The following CLASP1 variants were observed in gnomAD, a reference collection of about 807,000 sequenced individuals.
CLASP1 encodes the protein CLIP-associating protein 1.
A neutral mutation model predicts 192.3 loss-of-function variants in CLASP1; 38 were observed. The ratio of observed to expected loss-of-function variants is 0.20; its 90% CI spans 0.15 to 0.26. The LOEUF (loss-of-function observed/expected upper bound fraction) is 0.26, where lower values mean the gene tolerates loss of function less well. Among genes scored for constraint, CLASP1 ranks in the 10% least tolerant of loss-of-function variants. CLASP1 has a pLI of 1.00. For missense variants in CLASP1, 1,433 were observed against 1,932.5 expected (o/e 0.74, Z 4.85); for synonymous variants, 691 against 712.8 (o/e 0.97, Z 0.49).
At chr2:121,365,120 G>C (rs975980138) in exon 36 of CLASP1, 1 of 1,613,976 alleles carries the variant, frequency 6.2e-7, no homozygotes, top group Non-Finnish European at 8.5e-7. Context: ...GTCTCCAGCA[G>C]CAGGAGCAGA....
chr2:121,558,393 C>A (rs2058769374), intron 2 of CLASP1, among the ~76,000 whole-genome samples: 1 of 152,202 alleles, frequency 6.6e-6, no homozygotes, highest in Non-Finnish European at 1.5e-5. Flanking sequence ...TGTGCCCCCC[C>A]AAATTTCACG....
chr2:121,621,744 T>G (rs541494230), intron 1 of CLASP1, among the ~76,000 whole-genome samples: 1 of 152,326 alleles, frequency 6.6e-6, no homozygotes, highest in East Asian at 1.9e-4. Flanking sequence ...TCCTCCAACT[T>G]TTTTTCAAGA....
chr2:121,579,777 C>T (rs536467656), intron 2 of CLASP1, among the ~76,000 whole-genome samples: 7 of 152,296 alleles, frequency 4.6e-5, no homozygotes, highest in African/African-American at 1.7e-4. Flanking sequence ...AAACTCTGAA[C>T]ATTTGGCATG....
rs575798541 is a variant in CLASP1 at position 121,399,453 on chromosome 2, C to T, written c.2901-1053G>A. Among the ~76,000 whole-genome samples, 318 of 152,272 alleles carry T rather than the reference C, an allele frequency of 2.1e-3. 1 individual carries two copies. The highest frequency in any genetic ancestry group is 6.2e-3 in the African/African-American group (258 of 41,556). On this transcript the variant is annotated intron_variant, in intron 28 of 39. Coordinates refer to ENST00000263710, the Ensembl canonical transcript of CLASP1. ...CATGGGGTGGATGGAGAATACATTT[C>T]AGTAATGGGTGTGTATAATCGGGAA... is the stretch of plus-strand genomic sequence containing the variant.
chr2:121,507,944 C>T (rs1328759417), intron 7 of CLASP1, among the ~76,000 whole-genome samples: 1 of 151,772 alleles, frequency 6.6e-6, no homozygotes, highest in Non-Finnish European at 1.5e-5. Context: ...AAACTATTCA[C>T]CAAAAACAAA....
intron 24 of CLASP1, chr2:121,407,955 T>C: frequency 4.9e-6 from 3 of 610,602 alleles, no homozygotes; most frequent in Non-Finnish European, 9.1e-6. Flanking sequence ...GTAAAGTGCG[T>C]AGACTTTACA....
intron 7 of CLASP1, 61 bp from the exon 8 acceptor site, chr2:121,503,295 A>G: frequency 1.0e-6 from 1 of 983,612 alleles, no homozygotes; most frequent in Non-Finnish European, 1.6e-6. Flanking sequence ...CAATTATATT[A>G]AAATGCTAAT....
chr2:121,397,645 T>C (rs137944525), intron 29 of CLASP1, among the ~76,000 whole-genome samples: 1 of 152,338 alleles, frequency 6.6e-6, no homozygotes, highest in East Asian at 1.9e-4. Flanking sequence ...TCTAGTTTTG[T>C]CACACGTTCT....
At chr2:121,614,140 T>G (rs970274590) in intron 1 of CLASP1, among the ~76,000 whole-genome samples, 14 of 152,096 alleles carry the variant, frequency 9.2e-5, no homozygotes, top group Admixed American at 3.3e-4. Context: ...GGATCCACAG[T>G]TTGCATGTTA....
At chr2:121,483,106 C>A (rs1390844097) in intron 8 of CLASP1, among the ~76,000 whole-genome samples, 1 of 152,166 alleles carries the variant, frequency 6.6e-6, no homozygotes, top group Non-Finnish European at 1.5e-5. Context: ...CTTCTAGATA[C>A]CAAAGCTCTC....
chr2:121,549,352 T>C (rs143506803), intron 2 of CLASP1, among the ~76,000 whole-genome samples: 2 of 152,072 alleles, frequency 1.3e-5, no homozygotes, highest in African/African-American at 4.8e-5. Flanking sequence ...GGGCATTACA[T>C]AATGGTAAAG....
At chr2:121,568,022 A>T (rs1463447660) in intron 2 of CLASP1, among the ~76,000 whole-genome samples, 1 of 152,208 alleles carries the variant, frequency 6.6e-6, no homozygotes, top group Non-Finnish European at 1.5e-5. Context: ...ACAGAGAAAG[A>T]TCAAGGCTTT....
At chr2:121,644,348 T>TAAA (rs747184836) in intron 1 of CLASP1, among the ~76,000 whole-genome samples, 2 of 134,354 alleles carry the variant, frequency 1.5e-5, no homozygotes, top group Non-Finnish European at 3.2e-5. Flanking sequence ...TAAAGGACAT[T>TAAA]AAAAAAAAAA....
chr2:121,618,204 C>T (rs541535474), intron 1 of CLASP1, among the ~76,000 whole-genome samples: 1 of 152,316 alleles, frequency 6.6e-6, no homozygotes, highest in South Asian at 2.1e-4. Flanking sequence ...TTTTGTTCAC[C>T]TAATGCCTAT....
At chr2:121,465,192 A>ATTTCC (rs2089272891) in intron 9 of CLASP1, among the ~76,000 whole-genome samples, 1 of 152,152 alleles carries the variant, frequency 6.6e-6, no homozygotes, top group African/African-American at 2.4e-5. Context: ...GGAGAAGGAA[A>ATTTCC]TAAAGGGTAT....
At chr2:121,479,030 A>ACACACACCCCCC (rs2092343537) in intron 8 of CLASP1, among the ~76,000 whole-genome samples, 1 of 28,572 alleles carries the variant, frequency 3.5e-5, no homozygotes, top group African/African-American at 2.3e-4. Flanking sequence ...ACACACACAC[A>ACACACACCCCCC]CCCCACACAC....
intron 19 of CLASP1, among the ~76,000 whole-genome samples, chr2:121,432,114 T>A (rs1053990985): frequency 3.1e-4 from 47 of 152,278 alleles, no homozygotes; most frequent in Middle Eastern, 3.4e-3. Flanking sequence ...TTTATTAATT[T>A]ATTAATTAAT....
At chr2:121,582,834 G>GA (rs2061351799) in intron 2 of CLASP1, among the ~76,000 whole-genome samples, 1 of 150,734 alleles carries the variant, frequency 6.6e-6, no homozygotes, top group Admixed American at 6.6e-5. Context: ...GCCCTGGCTG[G>GA]AGTACAGTGG....
intron 8 of CLASP1, among the ~76,000 whole-genome samples, chr2:121,476,863 G>GA (rs2091685081): frequency 6.6e-6 from 1 of 152,182 alleles, no homozygotes. Context: ...AAGCTGCACA[G>GA]AGACAGGATA....
Sources: gnomAD v4.1 joint callset for allele counts (sites outside exome capture counted in the v4.1 genomes callset) on GRCh38, gnomAD v4.1.1 for gene constraint, MANE v1.5 for transcripts, NCBI Gene and HGNC (gene_info 2026-07-23, HGNC 2026-07-21) for gene names.